MRPS35: variants seen among roughly 807,000 people sequenced by gnomAD.
The protein encoded by MRPS35 is small ribosomal subunit protein mS35.
In MRPS35, 29 loss-of-function variants were observed where a neutral mutation model predicts 32.7. The observed-to-expected ratio is 0.89, with a 90% CI of 0.66 to 1.21. The LOEUF is 1.21. Among genes scored for constraint, MRPS35 ranks in the 50% most tolerant of loss-of-function variants. The probability of loss-of-function intolerance (pLI) is 0.00; values close to 1 mark genes in which losing one functional copy is unlikely to be tolerated. For synonymous variants in MRPS35, 148 were observed against 139.3 expected, an observed-to-expected ratio of 1.06 and a Z score of -0.44; for missense variants, 373 against 383.8, an observed-to-expected ratio of 0.97 and a Z score of 0.23.
intron 7 of MRPS35, among the ~76,000 whole-genome samples, chr12:27,753,858 C>A (rs912410802): frequency 7.2e-5 from 11 of 152,246 alleles, no homozygotes; most frequent in African/African-American, 2.2e-4. Flanking sequence ...TAAAGCCTAC[C>A]AGTGTTCCCT....
intron 6 of MRPS35, 49 bp from the exon 7 acceptor site, chr12:27,737,490 G>C (rs771007805): frequency 7.4e-6 from 11 of 1,478,348 alleles, no homozygotes; most frequent in Admixed American, 3.4e-5. Flanking sequence ...AAATTTTTCT[G>C]TGTACTGAGT....
rs1280001639 is a variant in MRPS35, at chr12:27,730,842, A to G, written c.523-4605A>G. Among the ~76,000 whole-genome samples the G allele has an allele frequency of 5.3e-5, 8 of 152,180 alleles. No individual in the cohort carries two copies. The East Asian group carries it at 1.5e-3, about 29-fold the overall frequency. The stretch of plus-strand genomic sequence containing the variant: ...GTACTTGTCCATTTTCTTCACCATA[A>G]AATTATACTTCCTCCCCTCTTACCC... On this transcript the variant is annotated intron_variant, in intron 5 of 7. Transcript: ENST00000081029.
chr12:27,745,251 A>G (rs2061978311), intron 7 of MRPS35, among the ~76,000 whole-genome samples: 1 of 152,218 alleles, frequency 6.6e-6, no homozygotes, highest in South Asian at 2.1e-4. Flanking sequence ...ATCTTATTAT[A>G]GCCTTTTCAT....
intron 4 of MRPS35, 30 bp from the exon 5 acceptor site, chr12:27,724,017 T>G (rs1379661803): frequency 9.3e-6 from 15 of 1,604,506 alleles, no homozygotes; most frequent in Non-Finnish European, 1.3e-5. Flanking sequence ...CTTGCAAAAG[T>G]GTAATTGAAA....
intron 3 of MRPS35, 31 bp from the exon 4 acceptor site, chr12:27,719,777 C>G (rs758740832): frequency 1.5e-6 from 2 of 1,358,814 alleles, no homozygotes; most frequent in Non-Finnish European, 2.1e-6. Context: ...AGACATTTAG[C>G]TAATTTATCT....
chr12:27,740,913 T>A (rs1460595283), intron 7 of MRPS35, among the ~76,000 whole-genome samples: 1 of 152,066 alleles, frequency 6.6e-6, no homozygotes, highest in Non-Finnish European at 1.5e-5. Context: ...GCAAGGAGGC[T>A]GGGAGCACTT....
At chr12:27,717,807 A>G (rs142114585) in intron 3 of MRPS35, among the ~76,000 whole-genome samples, 1 of 152,360 alleles carries the variant, frequency 6.6e-6, no homozygotes, top group African/African-American at 2.4e-5. Context: ...TAAAAATCCA[A>G]ACATTTAATG....
chr12:27,738,685 A>G (rs1463839614), intron 7 of MRPS35, among the ~76,000 whole-genome samples: 3 of 152,224 alleles, frequency 2.0e-5, no homozygotes, highest in Non-Finnish European at 4.4e-5. Flanking sequence ...CATACTAGGA[A>G]CATTCAAAGG....
At chr12:27,724,744 GA>G (rs534721320) in intron 5 of MRPS35, among the ~76,000 whole-genome samples, 7,661 of 143,992 alleles carry the variant, frequency 0.053, 263 homozygotes, top group Non-Finnish European at 0.081. Flanking sequence ...TTCCATCTCG[GA>G]AAAAAAAAAA....
chr12:27,722,057 A>G (rs2061878717), intron 4 of MRPS35, among the ~76,000 whole-genome samples: 2 of 152,254 alleles, frequency 1.3e-5, no homozygotes, highest in African/African-American at 4.8e-5. Flanking sequence ...AAAAAATTAA[A>G]TGAAAGGCTT....
chr12:27,755,549 T>G lies in MRPS35; in HGVS notation c.*99T>G. 1 of 1,192,436 alleles carries G rather than the reference T, an allele frequency of 8.4e-7. No individual in the cohort carries two copies. Among genetic ancestry groups the G allele is most frequent in the East Asian group, 2.7e-5 (1 of 37,374 alleles). 73.9% of individuals were successfully genotyped at this position (1,192,436 alleles called of 1,614,324 possible). ...ATTGAAAATGTTAAAAAATCATTTT[T>G]TTTCCTCAGAGTTAAAATTATTTCC... is the stretch of plus-strand genomic sequence containing the variant. On this transcript the variant is annotated 3_prime_UTR_variant, in exon 8 of 8. Transcript: ENST00000081029.
intron 7 of MRPS35, among the ~76,000 whole-genome samples, chr12:27,749,261 C>T (rs12423734): frequency 0.046 from 7,003 of 151,864 alleles, 546 homozygotes; most frequent in East Asian, 0.19. Flanking sequence ...GTATTAACCT[C>T]CTATTTTTAA....
intron 7 of MRPS35, among the ~76,000 whole-genome samples, chr12:27,754,626 G>T (rs2062018829): frequency 6.6e-6 from 1 of 151,958 alleles, no homozygotes; most frequent in South Asian, 2.1e-4. Context: ...AAGTAGCCAG[G>T]CATGGTGGTG....
chr12:27,738,913 C>T (rs2061952954), intron 7 of MRPS35, among the ~76,000 whole-genome samples: 1 of 139,808 alleles, frequency 7.2e-6, no homozygotes, highest in Non-Finnish European at 1.6e-5. Flanking sequence ...TTACTGAGAA[C>T]TTTTTTTTTT....
Position 27,755,359 on chromosome 12 carries a change from A to G in MRPS35, c.881A>G (p.Lys294Arg), listed in dbSNP as rs762195183. The change falls in exon 8 of 8, where the codon AAG (lysine) becomes AGG (arginine). Residue 294 changes from lysine (K) to arginine (R), a missense_variant. By Grantham distance (26) the Lys-to-Arg change is conservative. Coordinates refer to ENST00000081029, the MANE Select transcript of MRPS35 (RefSeq NM_021821.4). ...LGTKEIEEYK[K>R]SVVSLKNEEE... ...ACTAAAGAAATTGAAGAGTACAAAA[A>G]GTCTGTTGTTAGTCTTAAAAATGAG... 6.2e-7 allele frequency: 1 copy of G among 1,608,356 alleles called. No individual in the cohort carries two copies. The highest frequency in any genetic ancestry group is 1.1e-5 in the South Asian group (1 of 88,614).
chr12:27,720,121 G>A (rs2061867411), intron 4 of MRPS35, among the ~76,000 whole-genome samples: 1 of 152,128 alleles, frequency 6.6e-6, no homozygotes, highest in South Asian at 2.1e-4. Context: ...GCTGAGTGTG[G>A]TGGCTCATAC....
intron 3 of MRPS35, among the ~76,000 whole-genome samples, chr12:27,718,096 TC>T (rs2140754717): frequency 6.6e-6 from 1 of 152,258 alleles, no homozygotes; most frequent in East Asian, 1.9e-4. Flanking sequence ...CATCCCCAAA[TC>T]CCAGTTTTCA....
intron 7 of MRPS35, chr12:27,752,864 A>G (rs1268247313): frequency 6.6e-6 from 1 of 152,118 alleles, no homozygotes; most frequent in Non-Finnish European, 1.5e-5. Flanking sequence ...AGGCATACCA[A>G]GTTGTTTCAG....
In MRPS35 at chr12:27,735,437, T is replaced by C. The variant is rs760958165; in HGVS notation, c.523-10T>C. ...AATTATTTTTTCAAATAACTTTTCT[T>C]ATTTTTAAGGTAAAGCTTTCCAGTT... On this transcript the variant is annotated splice_polypyrimidine_tract_variant and intron_variant, in intron 5 of 7. Transcript: ENST00000081029. 1.9e-6 allele frequency: 3 copies of C among 1,569,346 alleles called. No individual in the cohort carries two copies. Among genetic ancestry groups the C allele is most frequent in the South Asian group, 2.4e-5 (2 of 84,488 alleles).
Sources: allele counts gnomAD v4.1 joint callset (sites outside exome capture counted in the v4.1 genomes callset), GRCh38; gene constraint gnomAD v4.1.1; transcripts MANE v1.5; gene names NCBI Gene and HGNC (gene_info 2026-07-23, HGNC 2026-07-21).